GNA15: variants seen among roughly 807,000 people sequenced by gnomAD.
GNA15 encodes guanine nucleotide-binding protein subunit alpha-15.
In GNA15, 23 loss-of-function variants were observed where a neutral mutation model predicts 40.1. The ratio of observed to expected loss-of-function variants is 0.57; its 90% confidence interval spans 0.41 to 0.81. The LOEUF is 0.81. GNA15 is among the 40% of genes least tolerant of loss of function. The pLI is 0.00. For missense variants in GNA15, 522 were observed against 515.8 expected (o/e 1.01, Z -0.12); for synonymous variants, 226 against 210.4 (o/e 1.07, Z -0.64).
rs571648843 is a variant in GNA15, at chr19:3,151,354, A to C, written c.486-353A>C. 1.3e-5 allele frequency among the ~76,000 whole-genome samples: 2 copies of C among 152,064 alleles called. No homozygotes were observed. The highest frequency in any genetic ancestry group is 4.8e-5 in the African/African-American group (2 of 41,474). On this transcript the variant is annotated intron_variant, in intron 3 of 6. Coordinates refer to ENST00000262958, the MANE Select transcript of GNA15 (RefSeq NM_002068.4). This position sits in a 1 kb window ranked among gnomAD's most constrained non-coding sequence, Gnocchi z 5.0. ...GATCCTGTACTAGGTGTGATGGTGG[A>C]TGTCCAAGGTGGCTTGATGTCTGGG...
intron 2 of GNA15, chr19:3,149,891 G>A (rs1454077943): frequency 2.2e-6 from 1 of 457,160 alleles, no homozygotes; most frequent in Admixed American, 4.0e-5. Flanking sequence ...GCTCGCCCGA[G>A]CACATGTGCC....
At chr19:3,145,612 C>G (rs74696732) in intron 1 of GNA15, among the ~76,000 whole-genome samples, 10 of 45,746 alleles carry the variant, frequency 2.2e-4, no homozygotes, top group African/African-American at 8.5e-4. Context: ...TGTAGTGGCA[C>G]GATCTCAGCT....
chr19:3,160,356 T>A (rs1915114963), intron 6 of GNA15, among the ~76,000 whole-genome samples: 1 of 152,170 alleles, frequency 6.6e-6, no homozygotes, highest in Non-Finnish European at 1.5e-5. Context: ...TCTGTCTCCA[T>A]CTGGGGCCTC....
chr19:3,140,578 C>A (rs992681076), intron 1 of GNA15, among the ~76,000 whole-genome samples: 1 of 152,092 alleles, frequency 6.6e-6, no homozygotes, highest in African/African-American at 2.4e-5. Context: ...TTTGATTTTT[C>A]TTCCTGGCCC....
intron 1 of GNA15, among the ~76,000 whole-genome samples, chr19:3,137,253 TA>T (rs1197912774): frequency 1.3e-5 from 2 of 152,320 alleles, no homozygotes; most frequent in East Asian, 3.9e-4. Context: ...GCAGATAAAA[TA>T]ATTCTGGCAA....
chr19:3,145,359 A>ATTTTTT (rs71179976), intron 1 of GNA15, among the ~76,000 whole-genome samples: 1,241 of 46,970 alleles, frequency 0.026, 53 homozygotes, highest in Non-Finnish European at 0.038. Flanking sequence ...ATATATATAT[A>ATTTTTT]TTTTTTTTTT....
At chr19:3,153,767 G>A (rs550023784) in intron 4 of GNA15, among the ~76,000 whole-genome samples, 2 of 151,694 alleles carry the variant, frequency 1.3e-5, no homozygotes, top group African/African-American at 2.4e-5. Flanking sequence ...TGAGTGGATG[G>A]ATGGATGAAT....
At chr19:3,143,589 G>GTTGCAGTGAGCCAATATCAAGC (rs960666078) in intron 1 of GNA15, among the ~76,000 whole-genome samples, 1 of 152,058 alleles carries the variant, frequency 6.6e-6, no homozygotes, top group African/African-American at 2.4e-5. Flanking sequence ...TGAGGTGGAG[G>GTTGCAGTGAGCCAATATCAAGC]TTGCAGTGAG....
In GNA15 at chr19:3,136,362, C is replaced by T; in HGVS notation, c.-89C>T. On this transcript the variant is annotated 5_prime_UTR_variant, in exon 1 of 7. Coordinates refer to ENST00000262958, the MANE Select transcript of GNA15 (RefSeq NM_002068.4). This position sits in a 1 kb window ranked among gnomAD's most constrained non-coding sequence, Gnocchi z 4.9. The stretch of plus-strand genomic sequence containing the variant: ...CCCTGCGCACCCGGTTGCCCGGAGC[C>T]CTCTCCAGGGCCGGCTGGGCTGGGG... 7.3e-7 allele frequency: 1 copy of T among 1,361,126 alleles called. No homozygotes were observed. Among genetic ancestry groups the T allele is most frequent in the Non-Finnish European group, 9.8e-7 (1 of 1,016,054 alleles). The allele number at this position is 1,361,126 out of a possible 1,614,324, so 84.3% of individuals were successfully genotyped here.
intron 1 of GNA15, among the ~76,000 whole-genome samples, chr19:3,137,831 C>G (rs973098805): frequency 4.0e-5 from 6 of 151,846 alleles, no homozygotes; most frequent in African/African-American, 1.5e-4. Flanking sequence ...CATGGTGGCA[C>G]ACAGCTATAA....
chr19:3,163,065 G>T lies in GNA15; in HGVS notation c.*46G>T. ...GGCGGCACCGGCGGGCGGGTGGGAGGTGGGAGTGGCTGCAGGGACCCCTAG... is the reference window on the plus strand; with the variant it reads ...GGCGGCACCGGCGGGCGGGTGGGAGTTGGGAGTGGCTGCAGGGACCCCTAG... On this transcript the variant is annotated 3_prime_UTR_variant, in exon 7 of 7. Coordinates refer to ENST00000262958, the MANE Select transcript of GNA15 (RefSeq NM_002068.4). The T allele has an allele frequency of 1.6e-6, 2 of 1,281,438 alleles. No individual in the cohort carries two copies. Among genetic ancestry groups the T allele is most frequent in the Non-Finnish European group, 2.3e-6 (2 of 880,430 alleles). 79.4% of individuals were successfully genotyped at this position (1,281,438 alleles called of 1,614,324 possible). A position where few individuals can be genotyped will look rare whatever the true frequency, so the allele number is the denominator to read the frequency against.
chr19:3,154,240 G>T (rs1468380767), intron 4 of GNA15, among the ~76,000 whole-genome samples: 2 of 149,952 alleles, frequency 1.3e-5, no homozygotes, highest in East Asian at 4.0e-4. Context: ...TGAATGGGTA[G>T]ATGGGTGGTG....
rs1914994891 is a variant in GNA15, at chr19:3,155,680, T to A, written c.615-143T>A. 1.1e-6 allele frequency: 1 copy of A among 922,680 alleles called. No homozygotes were observed. Among genetic ancestry groups the A allele is most frequent in the East Asian group, 2.5e-5 (1 of 40,196 alleles). 57.2% of individuals were successfully genotyped at this position (922,680 alleles called of 1,614,324 possible). On this transcript the variant is annotated intron_variant, in intron 4 of 6. Transcript: ENST00000262958. This position sits in a 1 kb window ranked among gnomAD's most constrained non-coding sequence, Gnocchi z 5.6. ...AAGACTCATCCTTGCCTCGCGGGAA[T>A]GACATGGCAAATCCACGAGAGGCTA...
intron 5 of GNA15, among the ~76,000 whole-genome samples, chr19:3,156,458 G>A (rs373481479): frequency 8.5e-4 from 124 of 146,298 alleles, no homozygotes; most frequent in South Asian, 8.2e-3. Flanking sequence ...ACATGCACAC[G>A]CACACACAGG....
chr19:3,152,176 C>T (rs1200630263), intron 4 of GNA15, among the ~76,000 whole-genome samples: 6 of 152,090 alleles, frequency 3.9e-5, no homozygotes, highest in Admixed American at 3.9e-4. Flanking sequence ...ACAGTCAGGA[C>T]CAGGTCTGGG....
At position 3,150,143 on chromosome 19, in the gene GNA15, C is replaced by G; in HGVS notation, c.343C>G (p.Leu115Val). ...SRPESKHHASLVMSQDPYKVT... is the reference protein window; with the variant it reads ...SRPESKHHASVVMSQDPYKVT... Reference sequence around the variant, plus strand: ...CCTCCCTCCCCAGCACCACGCTAGCCTGGTCATGAGCCAGGACCCCTATAA... The same window carrying G: ...CCTCCCTCCCCAGCACCACGCTAGCGTGGTCATGAGCCAGGACCCCTATAA... Residue 115 changes from leucine to valine, a missense_variant, in exon 3 of 7, where the codon CTG (leucine) becomes GTG (valine). Coordinates refer to ENST00000262958, the MANE Select transcript of GNA15 (RefSeq NM_002068.4). The G allele has an allele frequency of 6.2e-7, 1 of 1,613,170 alleles. No homozygotes were observed. The highest frequency in any genetic ancestry group is 8.5e-7 in the Non-Finnish European group (1 of 1,179,770).
intron 1 of GNA15, among the ~76,000 whole-genome samples, chr19:3,145,359 A>ATATATATATATACAT: frequency 1.7e-4 from 8 of 46,966 alleles, no homozygotes; most frequent in African/African-American, 5.5e-4. Flanking sequence ...ATATATATAT[A>ATATATATATATACAT]TTTTTTTTTT....
At chr19:3,148,266 T>C (rs1568295796) in intron 1 of GNA15, among the ~76,000 whole-genome samples, 1 of 152,050 alleles carries the variant, frequency 6.6e-6, no homozygotes, top group Non-Finnish European at 1.5e-5. Flanking sequence ...TTTTGTATTT[T>C]TAATAGAGAT....
At chr19:3,148,494 G>C (rs1914787992) in intron 1 of GNA15, 97 bp from the exon 2 acceptor site, 1 of 1,226,450 alleles carries the variant, frequency 8.2e-7, no homozygotes, top group Non-Finnish European at 1.1e-6. Context: ...GAACCCAGGA[G>C]GCCTGGCGTG....
Sources: allele counts gnomAD v4.1 joint callset (sites outside exome capture counted in the v4.1 genomes callset), GRCh38; gene constraint gnomAD v4.1.1; non-coding constraint Gnocchi (gnomAD v3.1); transcripts MANE v1.5; gene names NCBI Gene and HGNC (gene_info 2026-07-23, HGNC 2026-07-21).